Variants in PLCB4 observed in about 807,000 individuals in gnomAD.
PLCB4 encodes phospholipase C beta 4.
Under a neutral mutation model 178.8 loss-of-function variants are expected in PLCB4, and 77 were observed. That is an observed-to-expected ratio of 0.43 (90% CI 0.36 to 0.52). PLCB4 has a LOEUF of 0.52. Ranked by LOEUF, PLCB4 falls within the 20% of genes least tolerant of loss-of-function variation. The pLI, the probability that PLCB4 is intolerant of heterozygous loss-of-function variation, is 0.00. For missense variants in PLCB4, 1,024 were observed against 1,453.4 expected (o/e 0.70, Z 4.80); for synonymous variants, 496 against 490.8 (o/e 1.01, Z -0.14).
chr20:9,345,524 C>A (rs979280772), intron 7 of PLCB4, among the ~76,000 whole-genome samples: 2 of 152,060 alleles, frequency 1.3e-5, no homozygotes, highest in Non-Finnish European at 2.9e-5. Flanking sequence ...AGTCACTAGA[C>A]GTAAGATGGA....
chr20:9,459,601 A>T, intron 34 of PLCB4, 34 bp from the exon 35 acceptor site: 1 of 1,544,844 alleles, frequency 6.5e-7, no homozygotes, highest in Non-Finnish European at 8.9e-7. Flanking sequence ...ACCTATGAGG[A>T]TTACAATGGC....
At chr20:9,399,955 A>G (rs1019207062) in intron 19 of PLCB4, among the ~76,000 whole-genome samples, 1 of 152,208 alleles carries the variant, frequency 6.6e-6, no homozygotes, top group Admixed American at 6.5e-5. Context: ...TTGCTGTGTG[A>G]TTTCAGACAA....
At chr20:9,192,242 G>A (rs1269396652) in intron 2 of PLCB4, among the ~76,000 whole-genome samples, 1 of 152,150 alleles carries the variant, frequency 6.6e-6, no homozygotes, top group Non-Finnish European at 1.5e-5. Context: ...GAGCCGAACT[G>A]CTCTGAAGAG....
At chr20:9,448,405 C>T (rs1180821386) in intron 32 of PLCB4, among the ~76,000 whole-genome samples, 1 of 152,056 alleles carries the variant, frequency 6.6e-6, no homozygotes, top group East Asian at 1.9e-4. Flanking sequence ...TACTAGTGTG[C>T]CCCTGGCCCA....
chr20:9,108,172 A>C (rs1396353850), intron 2 of PLCB4, among the ~76,000 whole-genome samples: 2 of 152,178 alleles, frequency 1.3e-5, no homozygotes, highest in Non-Finnish European at 2.9e-5. Flanking sequence ...AGACAGAACC[A>C]GGAGTTAGTT....
intron 2 of PLCB4, among the ~76,000 whole-genome samples, chr20:9,103,496 C>G (rs2091257011): frequency 6.6e-6 from 1 of 151,992 alleles, no homozygotes; most frequent in Non-Finnish European, 1.5e-5. Context: ...ACGTGAATTC[C>G]CTTATTTGCT....
At chr20:9,165,186 C>T (rs982359925) in intron 2 of PLCB4, among the ~76,000 whole-genome samples, 1 of 152,172 alleles carries the variant, frequency 6.6e-6, no homozygotes, top group Non-Finnish European at 1.5e-5. Context: ...AAAAGTCCAG[C>T]TTCTCGAGGG....
chr20:9,090,311 C>A (rs1027778597), intron 1 of PLCB4, among the ~76,000 whole-genome samples: 1 of 151,272 alleles, frequency 6.6e-6, no homozygotes, highest in Non-Finnish European at 1.5e-5. Context: ...ATTTGTTTAT[C>A]TTTCCAAAGA....
chr20:9,275,892 T>A (rs1385067214), intron 3 of PLCB4, among the ~76,000 whole-genome samples: 2 of 152,082 alleles, frequency 1.3e-5, no homozygotes, highest in Non-Finnish European at 2.9e-5. Context: ...TTATTGACCA[T>A]ACTTGTCCAG....
At chr20:9,144,460 G>A (rs1457038792) in intron 2 of PLCB4, among the ~76,000 whole-genome samples, 1 of 151,540 alleles carries the variant, frequency 6.6e-6, no homozygotes, top group Admixed American at 6.6e-5. Flanking sequence ...AATTGTTTTG[G>A]ATTTTTCTAG....
At chr20:9,419,783 A>G (rs2040498795) in intron 25 of PLCB4, 24 bp from the exon 26 acceptor site, 1 of 1,454,676 alleles carries the variant, frequency 6.9e-7, no homozygotes, top group African/African-American at 1.4e-5. Flanking sequence ...CTACTAATAA[A>G]CTTCTATGCT....
intron 2 of PLCB4, among the ~76,000 whole-genome samples, chr20:9,126,785 T>G (rs1373751402): frequency 6.6e-6 from 1 of 151,502 alleles, no homozygotes; most frequent in Non-Finnish European, 1.5e-5. Flanking sequence ...TTTTTTTTTT[T>G]TTTTTGAGGT....
At chr20:9,433,794 G>T (rs2041586545) in intron 28 of PLCB4, among the ~76,000 whole-genome samples, 1 of 151,996 alleles carries the variant, frequency 6.6e-6, no homozygotes, top group Non-Finnish European at 1.5e-5. Context: ...CAAGATTTAA[G>T]AACTAATTTT....
At chr20:9,301,163 A>C (rs535752567) in intron 3 of PLCB4, among the ~76,000 whole-genome samples, 1 of 151,664 alleles carries the variant, frequency 6.6e-6, no homozygotes, top group African/African-American at 2.4e-5. Flanking sequence ...GATCCAGAAT[A>C]ATCTCCCCAT....
chr20:9,368,439 A>G (rs2035961068), intron 9 of PLCB4, among the ~76,000 whole-genome samples: 1 of 152,148 alleles, frequency 6.6e-6, no homozygotes, highest in East Asian at 1.9e-4. Context: ...GTGAACACCA[A>G]TGACTAGAAA....
At chr20:9,218,661 G>A (rs1027437723) in intron 3 of PLCB4, among the ~76,000 whole-genome samples, 7 of 152,058 alleles carry the variant, frequency 4.6e-5, no homozygotes, top group African/African-American at 1.2e-4. Flanking sequence ...ATTTTCTTCC[G>A]GCCTTTCCAT....
intron 7 of PLCB4, among the ~76,000 whole-genome samples, chr20:9,355,205 A>G (rs564133347): frequency 2.0e-5 from 3 of 152,318 alleles, no homozygotes; most frequent in African/African-American, 7.2e-5. Flanking sequence ...AAATACTGAC[A>G]ATTTAATGCC....
chr20:9,457,580 G>T, intron 34 of PLCB4, 91 bp downstream of exon 34: 1 of 753,774 alleles, frequency 1.3e-6, no homozygotes, highest in Non-Finnish European at 2.4e-6. Flanking sequence ...AGAAATAACA[G>T]TAGCCCAGAG....
intron 1 of PLCB4, among the ~76,000 whole-genome samples, chr20:9,086,729 T>C (rs1383617541): frequency 5.3e-5 from 8 of 152,170 alleles, no homozygotes; most frequent in Non-Finnish European, 1.0e-4. Context: ...GTTGCTTTCA[T>C]GTTGAATGAG....
Sources: allele counts gnomAD v4.1 joint callset (sites outside exome capture counted in the v4.1 genomes callset), GRCh38; gene constraint gnomAD v4.1.1; transcripts MANE v1.5; gene names NCBI Gene and HGNC (gene_info 2026-07-23, HGNC 2026-07-21).